The following UBL7 variants were observed in gnomAD, a reference collection of about 807,000 sequenced individuals.
The protein encoded by UBL7 is ubiquitin like 7.
UBL7 carries 21 observed loss-of-function variants against 41.7 expected under a neutral mutation model. The ratio of observed to expected loss-of-function variants is 0.50; its 90% confidence interval spans 0.36 to 0.73. The LOEUF is 0.73. Ranked by LOEUF, UBL7 falls within the 30% of genes least tolerant of loss-of-function variation. UBL7 has a pLI of 0.00. For missense variants in UBL7, 403 were observed against 478.4 expected (o/e 0.84, Z 1.47); for synonymous variants, 157 against 186.9 (o/e 0.84, Z 1.31).
chr15:74,447,471 G>A (rs1430741482), intron 10 of UBL7, among the ~76,000 whole-genome samples: 3 of 152,184 alleles, frequency 2.0e-5, no homozygotes, highest in Non-Finnish European at 2.9e-5. Flanking sequence ...GGGAGGCTAA[G>A]GTGGGTGAAT....
chr15:74,451,562 A>C, intron 4 of UBL7, 42 bp from the exon 5 acceptor site: 150 of 1,530,478 alleles, frequency 9.8e-5, no homozygotes, highest in Non-Finnish European at 1.3e-4. Context: ...CAACCAGCTC[A>C]ATGTACTCAT....
At chr15:74,451,003 C>A in intron 5 of UBL7, 144 bp from the exon 6 acceptor site, 1 of 819,954 alleles carries the variant, frequency 1.2e-6, no homozygotes, top group Non-Finnish European at 2.0e-6. Context: ...AAGCAAAGCG[C>A]CAAGCAATAC....
At chr15:74,459,030 C>A (rs2061321496) in intron 1 of UBL7, 134 bp from the exon 2 acceptor site, 1 of 789,006 alleles carries the variant, frequency 1.3e-6, no homozygotes, top group Non-Finnish European at 2.0e-6. Flanking sequence ...ATCAGGAGGC[C>A]AGAACTAGAA....
At chr15:74,450,672 C>T (rs2061235866) in intron 6 of UBL7, 130 bp downstream of exon 6, 13 of 907,096 alleles carry the variant, frequency 1.4e-5, no homozygotes, top group African/African-American at 3.3e-5. Context: ...CACCCCCTGA[C>T]GTATCTAAGG....
intron 9 of UBL7, among the ~76,000 whole-genome samples, chr15:74,448,903 T>A (rs2061212187): frequency 6.6e-6 from 1 of 152,192 alleles, no homozygotes; most frequent in Admixed American, 6.5e-5. Context: ...GCTGGTGATG[T>A]CTGCTCCCTG....
intron 3 of UBL7, among the ~76,000 whole-genome samples, chr15:74,456,031 G>A (rs1328523005): frequency 1.3e-5 from 2 of 151,986 alleles, no homozygotes; most frequent in African/African-American, 2.4e-5. Context: ...GGAGGCTGAG[G>A]CAGGAGAATG....
intron 3 of UBL7, among the ~76,000 whole-genome samples, chr15:74,453,628 CTGGAGCTTGGGGT>C (rs1204892229): frequency 6.6e-6 from 1 of 152,216 alleles, no homozygotes; most frequent in Non-Finnish European, 1.5e-5. Context: ...TTCTTTGTGG[CTGGAGCTTGGGGT>C]ACACATTCCA....
chr15:74,448,592 G>A lies in UBL7; in HGVS notation c.891C>T (p.Ser297=). The A allele has an allele frequency of 6.2e-7, 1 of 1,613,970 alleles. No individual in the cohort carries two copies. The highest frequency in any genetic ancestry group is 8.5e-7 in the Non-Finnish European group (1 of 1,179,904). ...CAGAGGACATTGGTGAGGTCCCTGAGGAATGACCCTAGAGACAAATTAGTG... is the reference window on the plus strand; with the variant it reads ...CAGAGGACATTGGTGAGGTCCCTGAAGAATGACCCTAGAGACAAATTAGTG... ...HTPTPGTQGH[S]SGTSPMSSGV... Residue 297 remains serine, a synonymous_variant, in exon 10 of 11, where the codon TCC becomes TCT. Coordinates refer to ENST00000395081, the MANE Select transcript of UBL7 (RefSeq NM_032907.5).
intron 7 of UBL7, 38 bp from the exon 8 acceptor site, chr15:74,449,713 A>C (rs1237190815): frequency 6.2e-7 from 1 of 1,613,372 alleles, no homozygotes; most frequent in African/African-American, 1.3e-5. Flanking sequence ...GGAAGAACAG[A>C]AAGGCACAGG....
intron 3 of UBL7, among the ~76,000 whole-genome samples, chr15:74,454,587 G>T (rs766427711): frequency 1.3e-5 from 2 of 152,042 alleles, no homozygotes; most frequent in African/African-American, 4.8e-5. Context: ...TAGTATAGAC[G>T]GGGTTTCTCC....
At chr15:74,455,756 T>TG (rs920490095) in intron 3 of UBL7, among the ~76,000 whole-genome samples, 10 of 151,354 alleles carry the variant, frequency 6.6e-5, no homozygotes, top group African/African-American at 2.2e-4. Flanking sequence ...GAGGCTGAGG[T>TG]GGGGTGGATG....
chr15:74,457,365 A>T (rs80016709), intron 2 of UBL7, among the ~76,000 whole-genome samples: 6,712 of 152,146 alleles, frequency 0.044, 305 homozygotes, highest in South Asian at 0.21. Flanking sequence ...CCAAGATGGT[A>T]AACCTCGTCT....
At chr15:74,452,070 G>A (rs999661490) in intron 4 of UBL7, among the ~76,000 whole-genome samples, 1 of 152,112 alleles carries the variant, frequency 6.6e-6, no homozygotes, top group African/African-American at 2.4e-5. Flanking sequence ...GTCACCATAC[G>A]GGCAGGTTGT....
chr15:74,448,963 A>G (rs1038969664), intron 9 of UBL7, among the ~76,000 whole-genome samples: 7 of 152,142 alleles, frequency 4.6e-5, no homozygotes, highest in African/African-American at 1.7e-4. Context: ...TTCTGAACTA[A>G]TAGGGGGGAC....
rs779488061 is a variant in UBL7 at position 74,446,656 on chromosome 15, A to G, written c.1006-429T>C. On this transcript the variant is annotated intron_variant, in intron 10 of 10. Coordinates refer to ENST00000395081, the MANE Select transcript of UBL7 (RefSeq NM_032907.5). This position sits in a 1 kb window ranked among gnomAD's most constrained non-coding sequence, Gnocchi z 4.1. ...TTTGGTTTGCCACGCAGAAATTTTC[A>G]CCTTTTTTTAAATGTCTTAAATTTT... Among the ~76,000 whole-genome samples the G allele has an allele frequency of 5.3e-5, 8 of 151,816 alleles. No homozygotes were observed. Among genetic ancestry groups the G allele is most frequent in the Non-Finnish European group, 1.0e-4 (7 of 67,964 alleles).
At position 74,451,455 on chromosome 15, in the gene UBL7, G is replaced by A. The variant is rs138001943; in HGVS notation, c.453C>T (p.Ser151=). Residue 151 remains serine, a synonymous_variant, in exon 5 of 11, where the codon AGC becomes AGT. Coordinates refer to ENST00000395081, the MANE Select transcript of UBL7 (RefSeq NM_032907.5). ...ACTTACCAAGAGCAATAGGGTCACT[G>A]CTGAGGCCTGGGGTGGCCACAATGA... ...DQIIVATPGL[S]SDPIALGVLQ... 18 of 1,614,110 alleles carry A rather than the reference G, an allele frequency of 1.1e-5. No homozygotes were observed. The African/African-American group carries it at 1.7e-4, about 16-fold the overall frequency.
In UBL7 at chr15:74,449,783, C is replaced by T. The variant is rs543300460; in HGVS notation, c.665-108G>A. ...AAATTCATATTTTCATCTCTCCCCT[C>T]GGAAAATTACAGGACAGATGCACTT... On this transcript the variant is annotated intron_variant, in intron 7 of 10. Transcript: ENST00000395081. The T allele has an allele frequency of 1.3e-3, 2,003 of 1,553,284 alleles. 30 individuals are homozygous for T. The South Asian group carries it at 0.022, about 17-fold the overall frequency.
At chr15:74,460,787 G>A (rs1005721274) in intron 1 of UBL7, 20 of 1,266,012 alleles carry the variant, frequency 1.6e-5, no homozygotes, top group Non-Finnish European at 2.0e-5. Context: ...CTCTGATAGA[G>A]AAGAGGAAAG....
At chr15:74,450,274 G>T (rs1162411585) in intron 6 of UBL7, among the ~76,000 whole-genome samples, 1 of 152,130 alleles carries the variant, frequency 6.6e-6, no homozygotes, top group African/African-American at 2.4e-5. Context: ...AATTCCTGGG[G>T]TCCGCTGCAG....
Sources: gnomAD v4.1 joint callset for allele counts (sites outside exome capture counted in the v4.1 genomes callset) on GRCh38, gnomAD v4.1.1 for gene constraint, Gnocchi (gnomAD v3.1) non-coding constraint, MANE v1.5 for transcripts, NCBI Gene and HGNC (gene_info 2026-07-23, HGNC 2026-07-21) for gene names.